The following XPR1 variants were observed in gnomAD, a reference collection of about 807,000 sequenced individuals.
The protein encoded by XPR1 is solute carrier family 53 member 1.
XPR1 carries 28 observed loss-of-function variants against 87.5 expected under a neutral mutation model. That is an observed-to-expected ratio of 0.32 (90% CI 0.24 to 0.44). The LOEUF (loss-of-function observed/expected upper bound fraction) is 0.44. Ranked by LOEUF, XPR1 falls within the 20% of genes least tolerant of loss-of-function variation. The pLI, the probability that XPR1 is intolerant of heterozygous loss-of-function variation, is 1.00. For synonymous variants in XPR1, 300 were observed against 306.1 expected (o/e 0.98, Z 0.21); for missense variants, 559 against 862.3 (o/e 0.65, Z 4.41).
At chr1:180,644,989 T>C (rs1655066233) in intron 1 of XPR1, among the ~76,000 whole-genome samples, 1 of 152,052 alleles carries the variant, frequency 6.6e-6, no homozygotes, top group African/African-American at 2.4e-5. Flanking sequence ...TTGGTTGCTG[T>C]CATTGCAGAA....
chr1:180,761,991 A>G (rs61811191), intron 2 of XPR1, among the ~76,000 whole-genome samples: 8,119 of 152,012 alleles, frequency 0.053, 313 homozygotes, highest in Non-Finnish European at 0.079. Flanking sequence ...TGAAACTGGA[A>G]ACCATCATTC....
At chr1:180,681,908 A>G (rs897333897) in intron 1 of XPR1, among the ~76,000 whole-genome samples, 1 of 152,238 alleles carries the variant, frequency 6.6e-6, no homozygotes, top group Admixed American at 6.5e-5. Context: ...TGTACTTAAC[A>G]CTATTGAACT....
intron 2 of XPR1, among the ~76,000 whole-genome samples, chr1:180,754,884 A>C (rs991017508): frequency 4.6e-5 from 7 of 152,158 alleles, no homozygotes; most frequent in Admixed American, 1.3e-4. Flanking sequence ...ATTTAGTCCG[A>C]AAGCCGAGCA....
intron 2 of XPR1, among the ~76,000 whole-genome samples, chr1:180,764,788 C>A (rs1378266011): frequency 6.2e-5 from 8 of 129,716 alleles, no homozygotes; most frequent in African/African-American, 2.1e-4. Flanking sequence ...AATTTTTTTT[C>A]TTTTTTTTTT....
chr1:180,690,954 T>A (rs1656973375), intron 2 of XPR1, among the ~76,000 whole-genome samples: 1 of 151,958 alleles, frequency 6.6e-6, no homozygotes, highest in African/African-American at 2.4e-5. Flanking sequence ...ATTCTCTTGA[T>A]CTATTATGTT....
At chr1:180,708,807 C>T (rs1432817255) in intron 2 of XPR1, among the ~76,000 whole-genome samples, 3 of 149,866 alleles carry the variant, frequency 2.0e-5, no homozygotes, top group African/African-American at 7.4e-5. Context: ...AAAAATTTTC[C>T]CCAAAATGAA....
chr1:180,710,409 G>C (rs962225483), intron 2 of XPR1, among the ~76,000 whole-genome samples: 1 of 152,006 alleles, frequency 6.6e-6, no homozygotes, highest in African/African-American at 2.4e-5. Context: ...GACTCTTAAC[G>C]AGCATGCTGC....
intron 2 of XPR1, among the ~76,000 whole-genome samples, chr1:180,715,376 T>C (rs1263925290): frequency 1.3e-5 from 2 of 152,184 alleles, no homozygotes; most frequent in East Asian, 3.9e-4. Flanking sequence ...ATAACGAATC[T>C]TGGACTCATA....
chr1:180,666,291 A>G (rs1014566632), intron 1 of XPR1, among the ~76,000 whole-genome samples: 1 of 152,200 alleles, frequency 6.6e-6, no homozygotes, highest in African/African-American at 2.4e-5. Context: ...TTCCATATGA[A>G]TTTGACAATG....
chr1:180,757,869 T>TAAAAAAAAA (rs35162664), intron 2 of XPR1, among the ~76,000 whole-genome samples: 1 of 40,070 alleles, frequency 2.5e-5, no homozygotes, highest in Non-Finnish European at 4.2e-5. Context: ...GTTGAAAATG[T>TAAAAAAAAA]AAAAAAAAAA....
At chr1:180,715,828 A>G (rs1031417025) in intron 2 of XPR1, among the ~76,000 whole-genome samples, 1 of 151,878 alleles carries the variant, frequency 6.6e-6, no homozygotes, top group Non-Finnish European at 1.5e-5. Flanking sequence ...GTGCGCCCCC[A>G]CACCCAGCTA....
chr1:180,767,870 A>G (rs916876933), intron 2 of XPR1, among the ~76,000 whole-genome samples: 3 of 150,994 alleles, frequency 2.0e-5, no homozygotes, highest in African/African-American at 7.3e-5. Flanking sequence ...TTTGAGACGG[A>G]GTCTTGCTCT....
At chr1:180,852,406 CCT>C (rs772478230) in intron 11 of XPR1, among the ~76,000 whole-genome samples, 48 of 151,980 alleles carry the variant, frequency 3.2e-4, no homozygotes, top group Middle Eastern at 3.2e-3. Flanking sequence ...AAGGATCCCC[CCT>C]GTTGCCTTTT....
chr1:180,776,393 C>A (rs1648718196), intron 2 of XPR1, among the ~76,000 whole-genome samples: 1 of 151,392 alleles, frequency 6.6e-6, no homozygotes, highest in African/African-American at 2.4e-5. Context: ...CATTTAATTT[C>A]CATTATAATT....
intron 11 of XPR1, among the ~76,000 whole-genome samples, chr1:180,851,327 A>G (rs79899663): frequency 6.6e-5 from 10 of 152,284 alleles, no homozygotes; most frequent in Non-Finnish European, 1.3e-4. Flanking sequence ...AATGGACACA[A>G]AATTTGCTTT....
intron 1 of XPR1, among the ~76,000 whole-genome samples, chr1:180,663,091 A>C (rs1655832557): frequency 6.6e-6 from 1 of 152,192 alleles, no homozygotes. Flanking sequence ...ATTCTATCTG[A>C]AAGGTCTCAT....
In XPR1 at chr1:180,771,852, T is replaced by C. The variant is rs577949165; in HGVS notation, c.122-15901T>C. ...TGGTAGTATTAACCTTGATTACTTG[T>C]TTAAAGTGGTGTCTGCCAAGTTTCT... On this transcript the variant is annotated intron_variant, in intron 2 of 14. Coordinates refer to ENST00000367590, the MANE Select transcript of XPR1 (RefSeq NM_004736.4). Among the ~76,000 whole-genome samples, 6 of 152,330 alleles carry C rather than the reference T, an allele frequency of 3.9e-5. No individual in the cohort carries two copies. In the South Asian group the frequency reaches 1.2e-3, roughly 32 times the overall value.
intron 7 of XPR1, among the ~76,000 whole-genome samples, chr1:180,818,327 G>GTTTTTTTTTTTT (rs76651863): frequency 7.2e-6 from 1 of 139,510 alleles, no homozygotes. Context: ...TTCTGTTTGG[G>GTTTTTTTTTTTT]TTTTTTTTTT....
intron 2 of XPR1, among the ~76,000 whole-genome samples, chr1:180,761,191 A>T (rs1648010387): frequency 6.6e-6 from 1 of 152,236 alleles, no homozygotes; most frequent in Non-Finnish European, 1.5e-5. Context: ...AATACCGGTA[A>T]TTCAGGACAT....
Sources: gnomAD v4.1 joint callset for allele counts (sites outside exome capture counted in the v4.1 genomes callset) on GRCh38, gnomAD v4.1.1 for gene constraint, MANE v1.5 for transcripts, NCBI Gene and HGNC (gene_info 2026-07-23, HGNC 2026-07-21) for gene names.